Variants in GCC2 observed in about 807,000 individuals in gnomAD.
The protein encoded by GCC2 is GRIP and coiled-coil domain-containing protein 2.
In GCC2, 120 loss-of-function variants were observed where a neutral mutation model predicts 210.6. The observed-to-expected ratio is 0.57, with a 90% CI of 0.49 to 0.66. The LOEUF (loss-of-function observed/expected upper bound fraction) is 0.66, where lower values mean the gene tolerates loss of function less well. GCC2 is among the 30% of genes least tolerant of loss of function. GCC2 has a pLI of 0.00. For synonymous variants in GCC2, 703 were observed against 652.7 expected (o/e 1.08, Z -1.17); for missense variants, 1,868 against 1,871.9 (o/e 1.00, Z 0.04).
At position 108,471,683 on chromosome 2, in the gene GCC2, C is replaced by G; in HGVS notation, c.2354C>G (p.Ala785Gly). 3.7e-6 allele frequency: 6 copies of G among 1,613,462 alleles called. No individual in the cohort carries two copies. The highest frequency in any genetic ancestry group is 4.2e-6 in the Non-Finnish European group (5 of 1,179,540). The change falls in exon 6 of 23, where the codon GCA (alanine) becomes GGA (glycine). Residue 785 changes from alanine to glycine, a missense_variant. By Grantham distance (60) the Ala-to-Gly change is moderately conservative. Transcript: ENST00000309863. ...EEKDVVNVLQ[A>G]VGESLAKINE... ...AAAGATGTTGTTAATGTCCTACAGG[C>G]AGTCGGTGAATCCTTGGCAAAAATA...
At chr2:108,459,184 C>A (rs887154038) in intron 4 of GCC2, among the ~76,000 whole-genome samples, 2 of 152,072 alleles carry the variant, frequency 1.3e-5, no homozygotes, top group African/African-American at 4.8e-5. Flanking sequence ...GTTGTAGTTT[C>A]CATTTTCATT....
At chr2:108,450,779 G>T (rs1196871423) in intron 2 of GCC2, among the ~76,000 whole-genome samples, 1 of 152,166 alleles carries the variant, frequency 6.6e-6, no homozygotes, top group African/African-American at 2.4e-5. Context: ...CTATTTGGGA[G>T]GCTGAGACAG....
intron 2 of GCC2, 102 bp downstream of exon 2, chr2:108,449,791 T>A (rs552194254): frequency 2.1e-5 from 17 of 820,312 alleles, no homozygotes; most frequent in Non-Finnish European, 3.0e-5. Flanking sequence ...TTTTTTTTTT[T>A]AATAGCCTTG....
Position 108,471,990 on chromosome 2 carries a change from A to T in GCC2, c.2661A>T (p.Gln887His). 1.2e-6 allele frequency: 2 copies of T among 1,602,912 alleles called. No homozygotes were observed. The highest frequency in any genetic ancestry group is 1.7e-4 in the Middle Eastern group (1 of 5,982). Residue 887 changes from glutamine (Q) to histidine (H), a missense_variant, in exon 6 of 23, where the codon CAA becomes CAT. By Grantham distance (24) the Gln-to-His change is conservative (BLOSUM62 0). This residue lies in a region of GCC2 where 1,847 missense variants were observed against 1,765.2 expected (regional missense o/e 1.05). Transcript: ENST00000309863. ...NLLIQVEEVS[Q>H]TCSKSEIHNE... is the part of the protein sequence containing the mutation. ...TAATTCAAGTTGAAGAAGTATCTCA[A>T]ACATGTAGCAAAAGTGAAATCCATA... is the stretch of plus-strand genomic sequence containing the variant.
At position 108,476,054 on chromosome 2, in the gene GCC2, C is replaced by CCTTTTTTTTTTTTTTTTTT. The variant is rs1558744710; in HGVS notation, c.3060+204_3060+205insCTTTTTTTTTTTTTTTTTT. Reference sequence around the variant, plus strand: ...TGGTTAAGCTTTAAATAGTGGCTTGCTTTTTTTTTTTTTTTTTTTTTTTTT... The same window carrying CCTTTTTTTTTTTTTTTTTT: ...TGGTTAAGCTTTAAATAGTGGCTTGCCTTTTTTTTTTTTTTTTTTTTTTTTTTTTTTTTTTTTTTTTTTT... On this transcript the variant is annotated intron_variant, in intron 9 of 22. Transcript: ENST00000309863. Among the ~76,000 whole-genome samples, 8 of 96,328 alleles carry CCTTTTTTTTTTTTTTTTTT rather than the reference C, an allele frequency of 8.3e-5. 3 individuals carry two copies. The highest frequency in any genetic ancestry group is 1.3e-4 in the Non-Finnish European group (6 of 46,868). 63.2% of individuals were successfully genotyped at this position (96,328 alleles called of 152,430 possible).
At chr2:108,469,486 C>A in intron 5 of GCC2, 165 bp from the exon 6 acceptor site, 1 of 547,954 alleles carries the variant, frequency 1.8e-6, no homozygotes, top group African/African-American at 1.9e-5. Flanking sequence ...TTTAGATAGG[C>A]AGCACCTAAG....
At position 108,484,028 on chromosome 2, in the gene GCC2, A is replaced by G. The variant is rs1397228301; in HGVS notation, c.3451-121A>G. The G allele has an allele frequency of 1.2e-5, 6 of 505,634 alleles. No homozygotes were observed. In the East Asian group the frequency reaches 2.0e-4, roughly 17 times the overall value. 31.3% of individuals were successfully genotyped at this position (505,634 alleles called of 1,614,324 possible). ...TTGTTACAGTGTAAACAATTTCAGTATTACAGAAAAGCACCCATTTATTGC... is the reference window on the plus strand; with the variant it reads ...TTGTTACAGTGTAAACAATTTCAGTGTTACAGAAAAGCACCCATTTATTGC... On this transcript the variant is annotated intron_variant, in intron 12 of 22. Coordinates refer to ENST00000309863, the MANE Select transcript of GCC2 (RefSeq NM_181453.4).
At chr2:108,502,656 A>G (rs2438252) in intron 22 of GCC2, among the ~76,000 whole-genome samples, 90,202 of 151,188 alleles carry the variant, frequency 0.6, 27,580 homozygotes, top group East Asian at 0.96. Flanking sequence ...AAGGCCTGGC[A>G]CGGTGGCTCA....
In GCC2 at chr2:108,492,773, A is replaced by G; in HGVS notation, c.4430A>G (p.Asn1477Ser). ...KMEAQLFQLK[N>S]EPTTRSPVSS... ...GAAGCACAGCTCTTCCAGCTTAAGA[A>G]TGAACCGACCACAAGAAGTATGTAT... The change falls in exon 19 of 23, where the codon AAT (asparagine) becomes AGT (serine). Residue 1477 changes from asparagine to serine, a missense_variant. Physicochemically the swap from Asn to Ser is conservative, Grantham distance 46. Coordinates refer to ENST00000309863, the MANE Select transcript of GCC2 (RefSeq NM_181453.4). 2 of 1,611,520 alleles carry G rather than the reference A, an allele frequency of 1.2e-6. No individual in the cohort carries two copies. Among genetic ancestry groups the G allele is most frequent in the Non-Finnish European group, 1.7e-6 (2 of 1,177,562 alleles).
At chr2:108,450,121 C>T (rs1487879859) in intron 2 of GCC2, 1 of 158,028 alleles carries the variant, frequency 6.3e-6, no homozygotes, top group African/African-American at 2.4e-5. Flanking sequence ...TGGTTTATTG[C>T]TAAGGTTTAT....
intron 7 of GCC2, among the ~76,000 whole-genome samples, chr2:108,474,180 G>A (rs958142941): frequency 2.0e-5 from 3 of 151,874 alleles, no homozygotes; most frequent in Non-Finnish European, 4.4e-5. Flanking sequence ...AAATAAAGCC[G>A]GGAGATTCAA....
intron 3 of GCC2, among the ~76,000 whole-genome samples, chr2:108,452,033 G>A (rs1266027494): frequency 1.3e-5 from 2 of 151,926 alleles, no homozygotes; most frequent in African/African-American, 4.8e-5. Context: ...TAGTAGAGAC[G>A]AGGTTTCACC....
At chr2:108,472,144 CAAAT>C (rs762300352) in intron 6 of GCC2, 28 bp downstream of exon 6, 1 of 1,386,486 alleles carries the variant, frequency 7.2e-7, no homozygotes, top group Non-Finnish European at 9.7e-7. Flanking sequence ...TCTATTGTTT[CAAAT>C]AAATTCTTAG....
In GCC2 at chr2:108,485,676, C is replaced by T. The variant is rs759122367; in HGVS notation, c.3654C>T (p.Asn1218=). The T allele has an allele frequency of 1.3e-6, 2 of 1,594,022 alleles. No homozygotes were observed. The highest frequency in any genetic ancestry group is 2.7e-5 in the African/African-American group (2 of 73,756). Reference sequence around the variant, plus strand: ...CAGTACAACAATATGAAGAAAAAAACACCAAAATCAAGCAATTGCTTGTGA... The same window carrying T: ...CAGTACAACAATATGAAGAAAAAAATACCAAAATCAAGCAATTGCTTGTGA... The part of the protein sequence containing the change: ...QSSVQQYEEK[N]TKIKQLLVKT... The change falls in exon 14 of 23, where the codon AAC becomes AAT. Residue 1218 remains asparagine (N), a synonymous_variant. Coordinates refer to ENST00000309863, the MANE Select transcript of GCC2 (RefSeq NM_181453.4).
intron 4 of GCC2, among the ~76,000 whole-genome samples, chr2:108,462,216 G>A: frequency 6.8e-6 from 1 of 147,138 alleles, no homozygotes; most frequent in Non-Finnish European, 1.5e-5. Context: ...TTGGAGGCCG[G>A]GCGCAGTGGC....
At position 108,485,715 on chromosome 2, in the gene GCC2, A is replaced by G. The variant is rs766588884; in HGVS notation, c.3693A>G (p.Glu1231=). The G allele has an allele frequency of 3.1e-6, 5 of 1,594,728 alleles. No individual in the cohort carries two copies. The highest frequency in any genetic ancestry group is 3.4e-6 in the Non-Finnish European group (4 of 1,170,958). ...IKQLLVKTKK[E]LADSKQAETD... is the part of the protein sequence containing the mutation. ...AATTGCTTGTGAAAACCAAAAAGGA[A>G]CTGGCAGATTCAAAGCAAGCAGTAT... Residue 1231 remains glutamate, a synonymous_variant, in exon 14 of 23, where the codon GAA becomes GAG. Transcript: ENST00000309863.
Position 108,449,233 on chromosome 2 carries a change from G to C in GCC2, c.-42G>C. The C allele has an allele frequency of 1.3e-6, 2 of 1,544,592 alleles. No homozygotes were observed. The highest frequency in any genetic ancestry group is 1.8e-6 in the Non-Finnish European group (2 of 1,141,280). Reference sequence around the variant, plus strand: ...AGGCTGGCGCAAACAGAAGTGCAGCGGTGGCGGCGGCTGGTTGCGGGCCGG... The same window carrying C: ...AGGCTGGCGCAAACAGAAGTGCAGCCGTGGCGGCGGCTGGTTGCGGGCCGG... On this transcript the variant is annotated 5_prime_UTR_variant, in exon 1 of 23. Coordinates refer to ENST00000309863, the MANE Select transcript of GCC2 (RefSeq NM_181453.4).
intron 16 of GCC2, 100 bp from the exon 17 acceptor site, chr2:108,487,599 T>C (rs1477521509): frequency 1.8e-6 from 2 of 1,128,794 alleles, no homozygotes; most frequent in Non-Finnish European, 2.5e-6. Context: ...ATTTTTCTCA[T>C]TTTCAAAAAC....
intron 22 of GCC2, among the ~76,000 whole-genome samples, chr2:108,502,885 T>A (rs1299509156): frequency 6.7e-6 from 1 of 149,396 alleles, no homozygotes; most frequent in Non-Finnish European, 1.5e-5. Context: ...ATGGTGCCAT[T>A]GCACTCCAGC....
Sources: gnomAD v4.1 joint callset for allele counts (sites outside exome capture counted in the v4.1 genomes callset) on GRCh38, gnomAD v4.1.1 for gene constraint, gnomAD v4.1.1 regional missense constraint, MANE v1.5 for transcripts, NCBI Gene and HGNC (gene_info 2026-07-23, HGNC 2026-07-21) for gene names.